The following TNIK variants were observed in gnomAD, a reference collection of about 807,000 sequenced individuals.
TNIK encodes the protein TRAF2 and NCK-interacting protein kinase.
Under a neutral mutation model 191.3 loss-of-function variants are expected in TNIK, and 49 were observed. The observed-to-expected ratio is 0.26, with a 90% CI of 0.20 to 0.32. TNIK has a LOEUF of 0.32. Ranked by LOEUF, TNIK falls within the 10% of genes least tolerant of loss-of-function variation. The pLI, the probability that TNIK is intolerant of heterozygous loss-of-function variation, is 1.00. For missense variants in TNIK, 1,155 were observed against 1,702.3 expected (o/e 0.68, Z 5.66); for synonymous variants, 594 against 600.9 (o/e 0.99, Z 0.17).
At chr3:171,299,540 A>T (rs529182520) in intron 2 of TNIK, among the ~76,000 whole-genome samples, 1 of 152,176 alleles carries the variant, frequency 6.6e-6, no homozygotes, top group African/African-American at 2.4e-5. Flanking sequence ...GGTGACTTTT[A>T]TGATAACTAT....
intron 2 of TNIK, among the ~76,000 whole-genome samples, chr3:171,314,765 G>C (rs1265251448): frequency 2.0e-5 from 3 of 152,128 alleles, no homozygotes; most frequent in South Asian, 4.1e-4. Context: ...TGAGGCTTGA[G>C]GGGATCATTT....
chr3:171,376,912 G>C (rs1039048433), intron 1 of TNIK, among the ~76,000 whole-genome samples: 1 of 152,072 alleles, frequency 6.6e-6, no homozygotes, highest in Non-Finnish European at 1.5e-5. Context: ...AAACAATTAG[G>C]GTTCAAGTCT....
At chr3:171,104,438 C>CTATT (rs1404355291) in intron 21 of TNIK, among the ~76,000 whole-genome samples, 7 of 147,242 alleles carry the variant, frequency 4.8e-5, no homozygotes, top group African/African-American at 1.7e-4. Context: ...AAAATAAGTG[C>CTATT]TATTTAGCAT....
chr3:171,423,779 T>C (rs999765833), intron 1 of TNIK, among the ~76,000 whole-genome samples: 1 of 152,166 alleles, frequency 6.6e-6, no homozygotes, highest in East Asian at 1.9e-4. Flanking sequence ...TGGCTAACCA[T>C]ATGTAGAAAG....
intron 2 of TNIK, among the ~76,000 whole-genome samples, chr3:171,315,978 G>A (rs1018850761): frequency 6.6e-6 from 1 of 152,140 alleles, no homozygotes; most frequent in African/African-American, 2.4e-5. Context: ...GCATTTCACA[G>A]TTGTTTTATA....
At chr3:171,278,667 G>A (rs1750068929) in intron 2 of TNIK, among the ~76,000 whole-genome samples, 1 of 152,086 alleles carries the variant, frequency 6.6e-6, no homozygotes, top group Non-Finnish European at 1.5e-5. Flanking sequence ...TTAAAAAACA[G>A]GAGTATCCTC....
intron 2 of TNIK, among the ~76,000 whole-genome samples, chr3:171,319,899 T>C (rs1257300542): frequency 6.6e-6 from 1 of 152,140 alleles, no homozygotes; most frequent in Non-Finnish European, 1.5e-5. Context: ...AAGTACCTCC[T>C]TACAGGAAGG....
intron 4 of TNIK, among the ~76,000 whole-genome samples, chr3:171,208,644 G>A (rs930439304): frequency 4.0e-5 from 6 of 151,810 alleles, no homozygotes; most frequent in South Asian, 4.2e-4. Context: ...TGCAACCTCC[G>A]CCTCCCAAGT....
intron 2 of TNIK, among the ~76,000 whole-genome samples, chr3:171,286,733 G>A (rs1751049949): frequency 1.3e-5 from 2 of 152,178 alleles, no homozygotes; most frequent in South Asian, 2.1e-4. Flanking sequence ...TTTAATATTT[G>A]TTCTCAATCA....
At chr3:171,291,932 T>C (rs1751725052) in intron 2 of TNIK, among the ~76,000 whole-genome samples, 1 of 152,198 alleles carries the variant, frequency 6.6e-6, no homozygotes, top group African/African-American at 2.4e-5. Flanking sequence ...TTATCTCCGT[T>C]ATTCATCAAG....
At chr3:171,351,157 C>T (rs1713107599) in intron 2 of TNIK, among the ~76,000 whole-genome samples, 1 of 152,076 alleles carries the variant, frequency 6.6e-6, no homozygotes, top group South Asian at 2.1e-4. Context: ...TCCCAAAGCG[C>T]TAGGATTACA....
intron 2 of TNIK, among the ~76,000 whole-genome samples, chr3:171,290,139 G>A (rs1364086986): frequency 6.6e-6 from 1 of 152,202 alleles, no homozygotes; most frequent in East Asian, 1.9e-4. Context: ...TTGGGCTCTT[G>A]AGAAGGCACG....
At chr3:171,191,243 T>C (rs1269928813) in intron 5 of TNIK, among the ~76,000 whole-genome samples, 2 of 152,214 alleles carry the variant, frequency 1.3e-5, no homozygotes, top group African/African-American at 2.4e-5. Context: ...TGTTATCCAA[T>C]TTCATTGAAT....
chr3:171,065,096 G>T (rs961041456), intron 32 of TNIK, among the ~76,000 whole-genome samples: 3 of 152,198 alleles, frequency 2.0e-5, no homozygotes, highest in Non-Finnish European at 4.4e-5. Context: ...ACTCCTAAGG[G>T]TGTGGCATGG....
At chr3:171,456,770 C>A (rs1728841061) in intron 1 of TNIK, among the ~76,000 whole-genome samples, 2 of 152,312 alleles carry the variant, frequency 1.3e-5, no homozygotes. Flanking sequence ...AATTCCCTGA[C>A]CCTGGTGAAA....
intron 2 of TNIK, among the ~76,000 whole-genome samples, chr3:171,368,996 T>C (rs551016535): frequency 6.6e-6 from 1 of 152,244 alleles, no homozygotes; most frequent in East Asian, 1.9e-4. Flanking sequence ...ACCAGCCATT[T>C]TTCGTAGATT....
At chr3:171,304,654 T>C (rs1244641754) in intron 2 of TNIK, among the ~76,000 whole-genome samples, 2 of 152,104 alleles carry the variant, frequency 1.3e-5, no homozygotes, top group Non-Finnish European at 2.9e-5. Flanking sequence ...ATGTGGCACA[T>C]ATACACCATG....
intron 1 of TNIK, among the ~76,000 whole-genome samples, chr3:171,392,820 T>A (rs1249170211): frequency 6.6e-6 from 1 of 150,522 alleles, no homozygotes; most frequent in Non-Finnish European, 1.5e-5. Flanking sequence ...AAAATACAGT[T>A]ATCATACTGT....
chr3:171,336,386 CTG>C (rs1040468725), intron 2 of TNIK, among the ~76,000 whole-genome samples: 4 of 152,116 alleles, frequency 2.6e-5, no homozygotes, highest in Non-Finnish European at 5.9e-5. Flanking sequence ...AAAATTAGGT[CTG>C]TGTTTCATTT....
Sources: allele counts gnomAD v4.1 joint callset (sites outside exome capture counted in the v4.1 genomes callset), GRCh38; gene constraint gnomAD v4.1.1; transcripts MANE v1.5; gene names NCBI Gene and HGNC (gene_info 2026-07-23, HGNC 2026-07-21).